SLC46A1: variants seen among roughly 807,000 people sequenced by gnomAD.
SLC46A1 encodes solute carrier family 46 member 1.
Under a neutral mutation model 32.1 loss-of-function variants are expected in SLC46A1, and 17 were observed. That is an observed-to-expected ratio of 0.53 (90% confidence interval 0.36 to 0.79). SLC46A1 has a LOEUF of 0.79. Among genes scored for constraint, SLC46A1 ranks in the 30% least tolerant of loss-of-function variants. SLC46A1 has a pLI of 0.00. For missense variants in SLC46A1, 517 were observed against 588.2 expected, an observed-to-expected ratio of 0.88 and a Z score of 1.25; for synonymous variants, 240 against 262.7, an observed-to-expected ratio of 0.91 and a Z score of 0.84.
chr17:28,406,464 T>TG, upstream of SLC46A1: 1 of 259,964 alleles, frequency 3.8e-6, no homozygotes. This position sits in a 1 kb window ranked among gnomAD's most constrained non-coding sequence, Gnocchi z 4.5. Flanking sequence ...TACTATGTGC[T>TG]GGGCACGGTA....
At position 28,402,307 on chromosome 17, in the gene SLC46A1, A is replaced by G; in HGVS notation, c.1096T>C (p.Phe366Leu). 1 of 1,613,404 alleles carries G rather than the reference A, an allele frequency of 6.2e-7. No homozygotes were observed. Among genetic ancestry groups the G allele is most frequent in the Non-Finnish European group, 8.5e-7 (1 of 1,179,652 alleles). The change falls in exon 3 of 5, where the codon TTC (phenylalanine) becomes CTC (leucine). Residue 366 changes from phenylalanine (F) to leucine (L), a missense_variant. Coordinates refer to ENST00000612814, the MANE Select transcript of SLC46A1 (RefSeq NM_080669.6). ...PLMFTGYGLL[F>L]LSLVITPVIR... ...ACAGGTGTGATGACTAATGACAGGAAAAGCAACCCATATCCTGTGGAGAAA... is the reference window on the plus strand; with the variant it reads ...ACAGGTGTGATGACTAATGACAGGAGAAGCAACCCATATCCTGTGGAGAAA...
At position 28,406,193 on chromosome 17, in the gene SLC46A1, G is replaced by T; in HGVS notation, c.-79C>A. Reference sequence around the variant, plus strand: ...CGCTGCCTGGGACCAGCGACGCGTGGCGTGGGGCTTGCGCTGTCTGCGCCT... The same window carrying T: ...CGCTGCCTGGGACCAGCGACGCGTGTCGTGGGGCTTGCGCTGTCTGCGCCT... On this transcript the variant is annotated 5_prime_UTR_variant, in exon 1 of 5. Coordinates refer to ENST00000612814, the MANE Select transcript of SLC46A1 (RefSeq NM_080669.6). The surrounding 1 kb of genome is among the most constrained non-coding windows in gnomAD (Gnocchi z 4.5). The T allele has an allele frequency of 8.9e-7, 1 of 1,129,342 alleles. No individual in the cohort carries two copies. Among genetic ancestry groups the T allele is most frequent in the Non-Finnish European group, 1.1e-6 (1 of 871,756 alleles). 70.0% of individuals were successfully genotyped at this position (1,129,342 alleles called of 1,614,324 possible).
chr17:28,406,254 G>C (rs2068261687), upstream of SLC46A1: 2 of 655,350 alleles, frequency 3.1e-6, no homozygotes, highest in South Asian at 1.0e-4. This position sits in a 1 kb window ranked among gnomAD's most constrained non-coding sequence, Gnocchi z 4.5. Flanking sequence ...CCGGCGGGGA[G>C]GGGCCTGTGA....
In SLC46A1 at chr17:28,405,159, G is replaced by C. The variant is rs1555590761; in HGVS notation, c.538C>G (p.Arg180Gly). Residue 180 changes from arginine to glycine, a missense_variant, in exon 2 of 5, where the codon CGG becomes GGG. Physicochemically the swap from Arg to Gly is moderately radical, Grantham distance 125. Coordinates refer to ENST00000612814, the MANE Select transcript of SLC46A1 (RefSeq NM_080669.6). ...DVSSSRSRTF[R>G]MALLEASIGV... is the part of the protein sequence containing the mutation. ...ATGCTGGCTTCCAGCAGGGCCATCC[G>C]GAAGGTGCGGCTGCGACTGGAGCTG... is the stretch of plus-strand genomic sequence containing the variant. The C allele has an allele frequency of 6.2e-7, 1 of 1,610,970 alleles. No individual in the cohort carries two copies. The highest frequency in any genetic ancestry group is 8.5e-7 in the Non-Finnish European group (1 of 1,178,290).
intron 2 of SLC46A1, chr17:28,404,082 CA>C (rs1244620972): frequency 6.4e-6 from 1 of 157,380 alleles, no homozygotes; most frequent in Non-Finnish European, 1.4e-5. Flanking sequence ...GACCCTCTCC[CA>C]TCAAAAAAAG....
chr17:28,402,676 A>G (rs2068211337), intron 2 of SLC46A1: 1 of 200,910 alleles, frequency 5.0e-6, no homozygotes, highest in East Asian at 1.2e-4. Flanking sequence ...TCAAAACCTG[A>G]TGCCATTACA....
chr17:28,404,160 CAT>C (rs782030851), intron 2 of SLC46A1: 1 of 160,730 alleles, frequency 6.2e-6, no homozygotes, highest in Non-Finnish European at 1.4e-5. Flanking sequence ...GCAGGAATTT[CAT>C]ATCTGTGGTC....
At position 28,405,105 on chromosome 17, in the gene SLC46A1, G is replaced by C; in HGVS notation, c.592C>G (p.Leu198Val). The C allele has an allele frequency of 6.2e-7, 1 of 1,613,818 alleles. No homozygotes were observed. Among genetic ancestry groups the C allele is most frequent in the Non-Finnish European group, 8.5e-7 (1 of 1,179,820 alleles). Residue 198 changes from leucine to valine, a missense_variant, in exon 2 of 5, where the codon CTC (leucine) becomes GTC (valine). Physicochemically the swap from Leu to Val is conservative, Grantham distance 32. Coordinates refer to ENST00000612814, the MANE Select transcript of SLC46A1 (RefSeq NM_080669.6). Reference sequence around the variant, plus strand: ...TGGGCCCGGAGCCAGTGGCCCCCGAGGAGGCTTGCCAGCATCCCAGCCACC... The same window carrying C: ...TGGGCCCGGAGCCAGTGGCCCCCGACGAGGCTTGCCAGCATCCCAGCCACC... ...IGVAGMLASL[L>V]GGHWLRAQGY...
chr17:28,403,286 G>T (rs1456107247), intron 2 of SLC46A1: 1 of 152,158 alleles, frequency 6.6e-6, no homozygotes, highest in Non-Finnish European at 1.5e-5. Flanking sequence ...GAGGTAAAAA[G>T]GTAACATCTA....
At position 28,399,557 on chromosome 17, in the gene SLC46A1, G is replaced by A. The variant is rs782585207; in HGVS notation, c.*99C>T. ...AAGAGAGCACTGCCCTTAGACAAGA[G>A]TTGCTTGTCCTGCTGTGGGCTGGGC... On this transcript the variant is annotated 3_prime_UTR_variant, in exon 5 of 5. Transcript: ENST00000612814. 6 of 1,260,730 alleles carry A rather than the reference G, an allele frequency of 4.8e-6. No homozygotes were observed. Among genetic ancestry groups the A allele is most frequent in the Non-Finnish European group, 6.9e-6 (6 of 871,290 alleles). The allele number at this position is 1,260,730 out of a possible 1,614,324, so 78.1% of individuals were successfully genotyped here.
At chr17:28,405,670 C>A (rs377473845) in intron 1 of SLC46A1, 2 of 971,468 alleles carry the variant, frequency 2.1e-6, no homozygotes, top group Non-Finnish European at 3.0e-6. Context: ...TTTCCCCCCC[C>A]TTTTGTTAAC....
chr17:28,402,370 C>A (rs377272855), intron 2 of SLC46A1, 49 bp from the exon 3 acceptor site: 2 of 1,521,560 alleles, frequency 1.3e-6, no homozygotes, highest in Non-Finnish European at 1.8e-6. Context: ...GGGAGAGGGG[C>A]GTCCAAGGGA....
chr17:28,402,217 C>T (rs1247620376), intron 3 of SLC46A1, 21 bp downstream of exon 3: 1 of 1,604,900 alleles, frequency 6.2e-7, no homozygotes, highest in Non-Finnish European at 8.5e-7. Flanking sequence ...GAACCAGACA[C>T]AGGTGGGTTC....
rs956464375 is a variant in SLC46A1 at position 28,404,704 on chromosome 17, A to G, written c.993T>C (p.Asp331=). The part of the protein sequence containing the change: ...ALKLLQYCLA[D]AWVAEIGLAF... ...CCAGGCCGATCTCAGCTACCCAGGC[A>G]TCGGCCAGGCAGTACTGCAGGAGCT... Residue 331 remains aspartate, a synonymous_variant, in exon 2 of 5, where the codon GAT becomes GAC. Coordinates refer to ENST00000612814, the MANE Select transcript of SLC46A1 (RefSeq NM_080669.6). The G allele has an allele frequency of 1.2e-6, 2 of 1,613,994 alleles. No homozygotes were observed. The highest frequency in any genetic ancestry group is 1.1e-5 in the South Asian group (1 of 91,082).
At position 28,395,657 on chromosome 17, in the gene SLC46A1, T is replaced by G; in HGVS notation, c.*3999A>C. ...CCAGTGGGGAATCATCTCTTTAGCA[T>G]ACAAAGACACTCATCACTCAAGAGA... On this transcript the variant is annotated 3_prime_UTR_variant, in exon 5 of 5. Coordinates refer to ENST00000612814, the MANE Select transcript of SLC46A1 (RefSeq NM_080669.6). 1 of 459,540 alleles carries G rather than the reference T, an allele frequency of 2.2e-6. No individual in the cohort carries two copies. Among genetic ancestry groups the G allele is most frequent in the Non-Finnish European group, 4.0e-6 (1 of 253,014 alleles). 28.5% of individuals were successfully genotyped at this position (459,540 alleles called of 1,614,324 possible).
Position 28,399,500 on chromosome 17 carries a change from G to A in SLC46A1, c.*156C>T. On this transcript the variant is annotated 3_prime_UTR_variant, in exon 5 of 5. Transcript: ENST00000612814. ...AGGCTGGGTCAGCTGTGGATGGGGTGGTGCCTTGGTCTCTCTTGACTACCT... is the reference window on the plus strand; with the variant it reads ...AGGCTGGGTCAGCTGTGGATGGGGTAGTGCCTTGGTCTCTCTTGACTACCT... The A allele has an allele frequency of 1.4e-6, 1 of 692,496 alleles. No individual in the cohort carries two copies. Among genetic ancestry groups the A allele is most frequent in the Non-Finnish European group, 2.5e-6 (1 of 401,598 alleles). 42.9% of individuals were successfully genotyped at this position (692,496 alleles called of 1,614,324 possible). A position where few individuals can be genotyped will look rare whatever the true frequency, so the allele number is the denominator to read the frequency against.
At chr17:28,402,524 A>C in intron 2 of SLC46A1, 7 of 504,326 alleles carry the variant, frequency 1.4e-5, no homozygotes, top group East Asian at 3.2e-5. Context: ...GCTAGCTCTC[A>C]TGAATGAATG....
In SLC46A1 at chr17:28,396,263, G is replaced by A; in HGVS notation, c.*3393C>T. ...AGGCTCTGACACCAGTTTGGAGGGT[G>A]CTGCACCCATGGGTCCAACCTAACC... On this transcript the variant is annotated 3_prime_UTR_variant, in exon 5 of 5. Transcript: ENST00000612814. 1.2e-6 allele frequency: 2 copies of A among 1,614,006 alleles called. No individual in the cohort carries two copies. The highest frequency in any genetic ancestry group is 1.7e-6 in the Non-Finnish European group (2 of 1,179,884).
In SLC46A1 at chr17:28,395,974, C is replaced by A; in HGVS notation, c.*3682G>T. ...CATTGATGGCTTCGAGTGGCCTGAG[C>A]CCCAGGTCCTGCCTGAGGACATGCA... On this transcript the variant is annotated 3_prime_UTR_variant, in exon 5 of 5. Coordinates refer to ENST00000612814, the MANE Select transcript of SLC46A1 (RefSeq NM_080669.6). The A allele has an allele frequency of 6.2e-7, 1 of 1,613,972 alleles. No homozygotes were observed. The highest frequency in any genetic ancestry group is 8.5e-7 in the Non-Finnish European group (1 of 1,179,884).
Sources: gnomAD v4.1 joint callset for allele counts on GRCh38, gnomAD v4.1.1 for gene constraint, Gnocchi (gnomAD v3.1) non-coding constraint, MANE v1.5 for transcripts, NCBI Gene and HGNC (gene_info 2026-07-23, HGNC 2026-07-21) for gene names.